The following ADGRL2 variants were observed in gnomAD, a reference collection of about 807,000 sequenced individuals.
ADGRL2 encodes calcium-independent alpha-latrotoxin receptor 2.
In ADGRL2, 44 loss-of-function variants were observed where a neutral mutation model predicts 157.4. The ratio of observed to expected loss-of-function variants is 0.28; its 90% CI spans 0.22 to 0.36. The LOEUF is 0.36. Ranked by LOEUF, ADGRL2 falls within the 10% of genes least tolerant of loss-of-function variation. ADGRL2 has a pLI of 1.00. For synonymous variants in ADGRL2, 585 were observed against 624.7 expected (o/e 0.94, Z 0.95); for missense variants, 1,510 against 1,768.9 (o/e 0.85, Z 2.63).
At chr1:81,786,872 T>A (rs899875324) in intron 2 of ADGRL2, among the ~76,000 whole-genome samples, 5 of 152,182 alleles carry the variant, frequency 3.3e-5, no homozygotes, top group African/African-American at 1.2e-4. Flanking sequence ...ATTGAAAAAG[T>A]CTGTGATATG....
At chr1:81,659,583 T>TA (rs1394017749) in intron 3 of ADGRL2, among the ~76,000 whole-genome samples, 4 of 152,194 alleles carry the variant, frequency 2.6e-5, no homozygotes, top group Admixed American at 6.5e-5. Flanking sequence ...CGCATTCATT[T>TA]AAAAAATGGA....
At chr1:81,508,767 A>G (rs889864454) in intron 2 of ADGRL2, among the ~76,000 whole-genome samples, 5 of 152,206 alleles carry the variant, frequency 3.3e-5, no homozygotes, top group Non-Finnish European at 2.9e-5. Flanking sequence ...GCCATCTCAT[A>G]AGGAATGTTC....
At chr1:81,954,021 G>A (rs1329771553) in intron 10 of ADGRL2, among the ~76,000 whole-genome samples, 2 of 152,112 alleles carry the variant, frequency 1.3e-5, no homozygotes, top group East Asian at 3.9e-4. Flanking sequence ...TAGTAGGAAA[G>A]TCTGTTTTTA....
At chr1:81,935,935 C>T (rs1407582668) in intron 3 of ADGRL2, among the ~76,000 whole-genome samples, 1 of 151,728 alleles carries the variant, frequency 6.6e-6, no homozygotes, top group Admixed American at 6.6e-5. Flanking sequence ...ATAATTAGAA[C>T]ATTCTAGGCA....
intron 2 of ADGRL2, among the ~76,000 whole-genome samples, chr1:81,477,911 T>G (rs2078305831): frequency 6.6e-6 from 1 of 152,180 alleles, no homozygotes; most frequent in Admixed American, 6.5e-5. Context: ...TCATTCTGGC[T>G]GCAGCGTCAT....
chr1:81,315,035 C>T (rs1378782713), intron 1 of ADGRL2, among the ~76,000 whole-genome samples: 3 of 152,196 alleles, frequency 2.0e-5, no homozygotes, highest in Non-Finnish European at 4.4e-5. Context: ...ATACCTCATT[C>T]AGCCTTAATA....
At chr1:81,456,861 C>T (rs2101775105) in intron 2 of ADGRL2, among the ~76,000 whole-genome samples, 1 of 152,136 alleles carries the variant, frequency 6.6e-6, no homozygotes, top group African/African-American at 2.4e-5. Context: ...TGTTTTCCTC[C>T]TCTTTGCTCT....
intron 1 of ADGRL2, among the ~76,000 whole-genome samples, chr1:81,433,977 A>G (rs72940906): frequency 0.12 from 18,026 of 152,214 alleles, 1,201 homozygotes; most frequent in South Asian, 0.25. Flanking sequence ...TTCCCACAGC[A>G]TGGAAGCCTT....
chr1:81,805,664 C>G (rs1209943436), intron 1 of ADGRL2, among the ~76,000 whole-genome samples: 9 of 148,374 alleles, frequency 6.1e-5, no homozygotes, highest in African/African-American at 2.2e-4. Flanking sequence ...TATCCTTACC[C>G]TGAAATTATT....
intron 23 of ADGRL2, chr1:81,989,733 A>G (rs374072774): frequency 2.4e-5 from 39 of 1,607,762 alleles, no homozygotes; most frequent in African/African-American, 1.3e-4. Context: ...CCTGCTGTCT[A>G]TCGTGATGTT....
intron 2 of ADGRL2, among the ~76,000 whole-genome samples, chr1:81,522,053 C>T (rs1234054868): frequency 6.6e-6 from 1 of 151,736 alleles, no homozygotes; most frequent in Admixed American, 6.6e-5. Flanking sequence ...CAGCCTCTGC[C>T]TCCTGGGTTC....
At chr1:81,319,108 T>C (rs1293830600) in intron 1 of ADGRL2, among the ~76,000 whole-genome samples, 1 of 151,202 alleles carries the variant, frequency 6.6e-6, no homozygotes, top group African/African-American at 2.4e-5. Context: ...CCCCGGCTAA[T>C]TTTGTATTTT....
chr1:81,985,735 TTATTTC>T (rs1175694036), intron 21 of ADGRL2, among the ~76,000 whole-genome samples: 1 of 152,028 alleles, frequency 6.6e-6, no homozygotes, highest in Non-Finnish European at 1.5e-5. Context: ...TATAAAGTAA[TTATTTC>T]TATATTGTTT....
chr1:81,419,037 A>G (rs987187717), intron 1 of ADGRL2, among the ~76,000 whole-genome samples: 2 of 152,312 alleles, frequency 1.3e-5, no homozygotes, highest in South Asian at 2.1e-4. Context: ...AATGCAATGC[A>G]CTAGACTGGT....
intron 2 of ADGRL2, among the ~76,000 whole-genome samples, chr1:81,772,547 G>A (rs1401343560): frequency 6.6e-6 from 1 of 151,872 alleles, no homozygotes; most frequent in East Asian, 2.0e-4. Flanking sequence ...TGGCCAACAT[G>A]GTGAAACCTT....
chr1:81,417,398 C>G, intron 1 of ADGRL2, among the ~76,000 whole-genome samples: 1 of 151,956 alleles, frequency 6.6e-6, no homozygotes, highest in Non-Finnish European at 1.5e-5. Context: ...TTCTTTAATA[C>G]TTTATTTTAT....
intron 1 of ADGRL2, among the ~76,000 whole-genome samples, chr1:81,754,329 C>CT (rs2085594993): frequency 6.6e-6 from 1 of 151,278 alleles, no homozygotes; most frequent in South Asian, 2.1e-4. Flanking sequence ...CTTTGTGCCT[C>CT]TTTTTTTAAT....
chr1:81,988,408 A>G (rs910368707), intron 23 of ADGRL2: 1 of 152,176 alleles, frequency 6.6e-6, no homozygotes, highest in African/African-American at 2.4e-5. Context: ...ACCTCTACAG[A>G]GGAAACAAAT....
chr1:81,755,943 A>C (rs2085674243), intron 1 of ADGRL2, among the ~76,000 whole-genome samples: 1 of 152,148 alleles, frequency 6.6e-6, no homozygotes, highest in Non-Finnish European at 1.5e-5. Flanking sequence ...TCACACCTCA[A>C]TCCGCACCTA....
Sources: allele counts gnomAD v4.1 joint callset (sites outside exome capture counted in the v4.1 genomes callset), GRCh38; gene constraint gnomAD v4.1.1; transcripts MANE v1.5; gene names NCBI Gene and HGNC (gene_info 2026-07-23, HGNC 2026-07-21).